KLHL29: variants seen among roughly 807,000 people sequenced by gnomAD.
KLHL29 encodes kelch-like protein 29.
Under a neutral mutation model 80.4 loss-of-function variants are expected in KLHL29, and 21 were observed. The ratio of observed to expected loss-of-function variants is 0.26; its 90% confidence interval spans 0.19 to 0.38. The LOEUF (loss-of-function observed/expected upper bound fraction) is 0.38. Among genes scored for constraint, KLHL29 ranks in the 10% least tolerant of loss-of-function variants. The probability of loss-of-function intolerance (pLI) is 1.00; values close to 1 mark genes in which losing one functional copy is unlikely to be tolerated. For missense variants in KLHL29, 867 were observed against 1,223.9 expected, an observed-to-expected ratio of 0.71 and a Z score of 4.35; for synonymous variants, 511 against 526.8, an observed-to-expected ratio of 0.97 and a Z score of 0.41.
chr2:23,703,915 G>A lies in KLHL29; in HGVS notation c.2444+52G>A. On this transcript the variant is annotated intron_variant, in intron 13 of 13. Transcript: ENST00000486442. ...GGCTGGGACGGAGGAGTGGGAGGAGGAGGGGTGTGACCACAATGATTTCCT... is the reference window on the plus strand; with the variant it reads ...GGCTGGGACGGAGGAGTGGGAGGAGAAGGGGTGTGACCACAATGATTTCCT... 14 of 1,499,486 alleles carry A rather than the reference G, an allele frequency of 9.3e-6. No individual in the cohort carries two copies. The South Asian group carries it at 1.7e-4, about 18-fold the overall frequency. The allele number at this position is 1,499,486 out of a possible 1,614,324, so 92.9% of individuals were successfully genotyped here. A position where few individuals can be genotyped will look rare whatever the true frequency, so the allele number is the denominator to read the frequency against.
chr2:23,654,705 G>C (rs200436054), intron 5 of KLHL29, among the ~76,000 whole-genome samples: 3 of 89,676 alleles, frequency 3.3e-5, no homozygotes, highest in African/African-American at 9.5e-5. Flanking sequence ...TTGGGGGGGG[G>C]GGGTGGATGT....
chr2:23,413,124 T>C (rs1326560625), intron 1 of KLHL29, among the ~76,000 whole-genome samples: 1 of 152,326 alleles, frequency 6.6e-6, no homozygotes, highest in East Asian at 1.9e-4. Context: ...CTGATGGCAC[T>C]GTGAGGCACT....
intron 1 of KLHL29, among the ~76,000 whole-genome samples, chr2:23,450,701 G>T (rs2103421287): frequency 6.6e-6 from 1 of 152,248 alleles, no homozygotes; most frequent in South Asian, 2.1e-4. Context: ...CAGGAGATGT[G>T]TTTTAACTAA....
At chr2:23,555,668 G>T (rs564602328) in intron 2 of KLHL29, among the ~76,000 whole-genome samples, 5 of 152,232 alleles carry the variant, frequency 3.3e-5, no homozygotes, top group Admixed American at 6.5e-5. Context: ...AGGTGAGTCA[G>T]CAGGTGAGCC....
At chr2:23,694,700 C>T (rs1572515838) in intron 8 of KLHL29, among the ~76,000 whole-genome samples, 1 of 152,180 alleles carries the variant, frequency 6.6e-6, no homozygotes. Context: ...ACACCATTCT[C>T]TTTCACTCTC....
intron 3 of KLHL29, among the ~76,000 whole-genome samples, chr2:23,613,365 G>T (rs993294031): frequency 1.3e-5 from 2 of 152,162 alleles, no homozygotes; most frequent in African/African-American, 4.8e-5. Context: ...AAAGGGTAGA[G>T]GAAGGCAAAA....
chr2:23,667,222 A>G (rs1033796589), intron 5 of KLHL29: 2 of 152,200 alleles, frequency 1.3e-5, no homozygotes, highest in African/African-American at 4.8e-5. Flanking sequence ...GGAAGTGTGT[A>G]TTTATTTGCA....
At chr2:23,409,980 G>C (rs79086379) in intron 1 of KLHL29, among the ~76,000 whole-genome samples, 2 of 152,186 alleles carry the variant, frequency 1.3e-5, no homozygotes, top group Admixed American at 1.3e-4. Flanking sequence ...AGATACATGT[G>C]CAGGAGAGAG....
intron 11 of KLHL29, among the ~76,000 whole-genome samples, chr2:23,699,142 G>A (rs1361744845): frequency 2.0e-5 from 3 of 152,214 alleles, no homozygotes; most frequent in South Asian, 4.1e-4. Context: ...ACAACTGGAC[G>A]TCACATCACC....
At chr2:23,699,264 G>A (rs1053420265) in intron 11 of KLHL29, among the ~76,000 whole-genome samples, 3 of 152,154 alleles carry the variant, frequency 2.0e-5, no homozygotes, top group African/African-American at 4.8e-5. Context: ...AGCAGGCCCC[G>A]TATGCCTCCC....
At chr2:23,499,064 T>C (rs1012101092) in intron 2 of KLHL29, among the ~76,000 whole-genome samples, 2 of 152,250 alleles carry the variant, frequency 1.3e-5, no homozygotes, top group Admixed American at 1.3e-4. Context: ...CTTACCAGGT[T>C]TTCCCTAAAG....
chr2:23,530,662 G>A (rs959395686), intron 2 of KLHL29, among the ~76,000 whole-genome samples: 1 of 152,178 alleles, frequency 6.6e-6, no homozygotes, highest in African/African-American at 2.4e-5. Flanking sequence ...CAAGTTGGAA[G>A]CCAGCAAGCC....
Position 23,696,055 on chromosome 2 carries a change from T to C in KLHL29, c.1846T>C (p.Tyr616His), listed in dbSNP as rs1671934680. 1 of 1,551,800 alleles carries C rather than the reference T, an allele frequency of 6.4e-7. No individual in the cohort carries two copies. The highest frequency in any genetic ancestry group is 8.7e-7 in the Non-Finnish European group (1 of 1,146,992). Residue 616 changes from tyrosine (Y) to histidine (H), a missense_variant, in exon 10 of 14, where the codon TAC (tyrosine) becomes CAC (histidine). Tyr to His is a moderately conservative substitution (Grantham distance 83, BLOSUM62 2). Around this residue, in one of 2 missense-constraint regions of KLHL29, gnomAD observed 443 missense variants for 767.0 expected, o/e 0.58. Transcript: ENST00000486442. This position sits in a 1 kb window ranked among gnomAD's most constrained non-coding sequence, Gnocchi z 5.5. ...TCWNPQNNKW[Y>H]PLASLPFYDR... ...CTGGAACCCGCAGAACAACAAGTGGTACCCCTTGGCCTCGCTGCCCTTCTA... is the reference window on the plus strand; with the variant it reads ...CTGGAACCCGCAGAACAACAAGTGGCACCCCTTGGCCTCGCTGCCCTTCTA...
At chr2:23,655,862 A>G (rs1161041716) in intron 5 of KLHL29, among the ~76,000 whole-genome samples, 2 of 152,126 alleles carry the variant, frequency 1.3e-5, no homozygotes, top group African/African-American at 4.8e-5. Context: ...TCAGTCAGTG[A>G]CTGAGCAGAT....
intron 2 of KLHL29, among the ~76,000 whole-genome samples, chr2:23,522,772 T>C (rs1323152898): frequency 6.6e-6 from 1 of 152,068 alleles, no homozygotes; most frequent in Non-Finnish European, 1.5e-5. Flanking sequence ...CTGACTCCAG[T>C]GGCAACTCTC....
chr2:23,640,082 G>C, intron 4 of KLHL29, among the ~76,000 whole-genome samples: 1 of 152,208 alleles, frequency 6.6e-6, no homozygotes, highest in East Asian at 1.9e-4. Context: ...ACAGCACCCC[G>C]AGATGCCCCA....
At chr2:23,486,120 C>T (rs972514813) in intron 2 of KLHL29, among the ~76,000 whole-genome samples, 13 of 152,166 alleles carry the variant, frequency 8.5e-5, no homozygotes, top group African/African-American at 3.1e-4. Context: ...CCCTCCTTGG[C>T]CCACCAGATC....
chr2:23,410,830 C>T (rs1347181967), intron 1 of KLHL29, among the ~76,000 whole-genome samples: 2 of 152,014 alleles, frequency 1.3e-5, no homozygotes, highest in Admixed American at 6.6e-5. Context: ...ACGTCTAAAG[C>T]GTCCCATCTG....
At chr2:23,423,460 A>G (rs1388783383) in intron 1 of KLHL29, among the ~76,000 whole-genome samples, 1 of 152,216 alleles carries the variant, frequency 6.6e-6, no homozygotes, top group Non-Finnish European at 1.5e-5. Context: ...CTCTCTGAGA[A>G]CTTCTTAAGC....
Sources: gnomAD v4.1 joint callset for allele counts (sites outside exome capture counted in the v4.1 genomes callset) on GRCh38, gnomAD v4.1.1 for gene constraint, gnomAD v4.1.1 regional missense constraint, Gnocchi (gnomAD v3.1) non-coding constraint, MANE v1.5 for transcripts, NCBI Gene and HGNC (gene_info 2026-07-23, HGNC 2026-07-21) for gene names.